The following MLLT3 variants were observed in gnomAD, a reference collection of about 807,000 sequenced individuals.
MLLT3 encodes the protein MLLT3 super elongation complex subunit, also known as protein AF-9.
Under a neutral mutation model 53.2 loss-of-function variants are expected in MLLT3, and 4 were observed. That is an observed-to-expected ratio of 0.08 (90% CI 0.04 to 0.17). MLLT3 has a LOEUF of 0.17. Ranked by LOEUF, MLLT3 falls within the 10% of genes least tolerant of loss-of-function variation. The pLI, the probability that MLLT3 is intolerant of heterozygous loss-of-function variation, is 1.00. For missense variants in MLLT3, 569 were observed against 684.0 expected (o/e 0.83, Z 1.87); for synonymous variants, 283 against 230.6 (o/e 1.23, Z -2.06).
intron 3 of MLLT3, among the ~76,000 whole-genome samples, chr9:20,455,019 T>G (rs900584793): frequency 2.6e-5 from 4 of 152,062 alleles, no homozygotes; most frequent in African/African-American, 4.8e-5. Context: ...GTAACAAGTA[T>G]TGGAGAAATT....
intron 5 of MLLT3, among the ~76,000 whole-genome samples, chr9:20,379,365 A>G (rs1821852886): frequency 6.6e-6 from 1 of 152,048 alleles, no homozygotes; most frequent in African/African-American, 2.4e-5. Context: ...CCACAAAACT[A>G]AAGAACACAG....
intron 2 of MLLT3, among the ~76,000 whole-genome samples, chr9:20,542,875 A>G (rs1014761242): frequency 2.6e-5 from 4 of 152,188 alleles, no homozygotes; most frequent in Non-Finnish European, 5.9e-5. Flanking sequence ...ACCTTTCTCA[A>G]TGATCTTAGC....
intron 8 of MLLT3, among the ~76,000 whole-genome samples, chr9:20,358,961 A>T (rs1821245884): frequency 6.6e-6 from 1 of 152,092 alleles, no homozygotes; most frequent in South Asian, 2.1e-4. Flanking sequence ...CCTGGCCAAC[A>T]TGGTGAAACC....
At chr9:20,606,538 T>C (rs933766321) in intron 2 of MLLT3, among the ~76,000 whole-genome samples, 26 of 152,150 alleles carry the variant, frequency 1.7e-4, no homozygotes, top group Non-Finnish European at 3.4e-4. Flanking sequence ...GAAAAGCTGC[T>C]TGTGCTCTGT....
intron 4 of MLLT3, among the ~76,000 whole-genome samples, chr9:20,436,428 A>G (rs1299737513): frequency 6.6e-6 from 1 of 152,198 alleles, no homozygotes; most frequent in East Asian, 1.9e-4. Flanking sequence ...ACAAAGCAAT[A>G]AACAAAAATA....
intron 5 of MLLT3, among the ~76,000 whole-genome samples, chr9:20,372,467 G>A (rs957651652): frequency 6.6e-6 from 1 of 151,722 alleles, no homozygotes; most frequent in African/African-American, 2.4e-5. Flanking sequence ...GCACCATCTC[G>A]GCTCACTGCA....
At chr9:20,479,400 C>A (rs1398011245) in intron 2 of MLLT3, among the ~76,000 whole-genome samples, 1 of 151,946 alleles carries the variant, frequency 6.6e-6, no homozygotes, top group Non-Finnish European at 1.5e-5. Flanking sequence ...TAGAGCAACC[C>A]TTTTTTTTCT....
chr9:20,392,604 T>A (rs1015397757), intron 5 of MLLT3, among the ~76,000 whole-genome samples: 1 of 152,218 alleles, frequency 6.6e-6, no homozygotes, highest in Non-Finnish European at 1.5e-5. Context: ...ACCCTAGCAT[T>A]TCTACTCGAT....
chr9:20,558,715 C>T (rs1284874424), intron 2 of MLLT3, among the ~76,000 whole-genome samples: 1 of 152,310 alleles, frequency 6.6e-6, no homozygotes, highest in East Asian at 1.9e-4. Flanking sequence ...CTTAAGTACA[C>T]TGTAGTTTTA....
intron 10 of MLLT3, among the ~76,000 whole-genome samples, chr9:20,350,149 G>A (rs2118593863): frequency 6.6e-6 from 1 of 152,306 alleles, no homozygotes; most frequent in Non-Finnish European, 1.5e-5. Context: ...CACACCCCAT[G>A]AGTGCCTGAA....
intron 10 of MLLT3, among the ~76,000 whole-genome samples, chr9:20,349,070 C>A (rs1820946664): frequency 6.6e-6 from 1 of 152,124 alleles, no homozygotes; most frequent in Non-Finnish European, 1.5e-5. Context: ...AGGCAAATAA[C>A]AAGCTGACCA....
chr9:20,548,858 T>G (rs750684507), intron 2 of MLLT3, among the ~76,000 whole-genome samples: 1 of 151,894 alleles, frequency 6.6e-6, no homozygotes, highest in Non-Finnish European at 1.5e-5. Context: ...TCTCACTGTG[T>G]CAGCCAGGCT....
intron 2 of MLLT3, among the ~76,000 whole-genome samples, chr9:20,541,334 G>C (rs945392971): frequency 2.6e-5 from 4 of 152,132 alleles, no homozygotes; most frequent in Admixed American, 2.6e-4. Flanking sequence ...CTTTACAGCA[G>C]TGCCACACTA....
intron 4 of MLLT3, among the ~76,000 whole-genome samples, chr9:20,432,691 C>T (rs1187283938): frequency 2.0e-5 from 3 of 151,872 alleles, no homozygotes; most frequent in Non-Finnish European, 2.9e-5. Flanking sequence ...ATAAGAACAA[C>T]AGTTTAAAAG....
intron 2 of MLLT3, among the ~76,000 whole-genome samples, chr9:20,514,835 A>C (rs1449684959): frequency 6.6e-6 from 1 of 152,158 alleles, no homozygotes; most frequent in Admixed American, 6.5e-5. Flanking sequence ...AGCATCTTCC[A>C]AGAAACCAGT....
At position 20,501,326 on chromosome 9, in the gene MLLT3, G is replaced by A. The variant is rs74880188; in HGVS notation, c.194-44540C>T. Among the ~76,000 whole-genome samples, 628 of 152,260 alleles carry A rather than the reference G, an allele frequency of 4.1e-3. 2 individuals are homozygous for A. Among genetic ancestry groups the A allele is most frequent in the African/African-American group, 0.014 (576 of 41,542 alleles). ...GGCCTTCTGCTATGTGTGAGGTGAC[G>A]AAGGCAAATAAGACAGTTTCCTTCC... On this transcript the variant is annotated intron_variant, in intron 2 of 10. Coordinates refer to ENST00000380338, the MANE Select transcript of MLLT3 (RefSeq NM_004529.4).
intron 8 of MLLT3, among the ~76,000 whole-genome samples, 170 bp downstream of exon 8, chr9:20,360,572 C>T (rs997124144): frequency 6.6e-6 from 1 of 152,258 alleles, no homozygotes. Context: ...ACAGCAGAAC[C>T]TCTTATACCC....
chr9:20,502,768 T>C (rs892986274), intron 2 of MLLT3, among the ~76,000 whole-genome samples: 30 of 152,172 alleles, frequency 2.0e-4, no homozygotes, highest in African/African-American at 7.0e-4. Context: ...CCCCTGCAGA[T>C]ACTGAGGAAT....
At chr9:20,465,363 C>T (rs1027754201) in intron 2 of MLLT3, among the ~76,000 whole-genome samples, 6 of 152,016 alleles carry the variant, frequency 3.9e-5, no homozygotes, top group African/African-American at 1.4e-4. Flanking sequence ...TTAATAAATG[C>T]ACTGTATGAG....
Sources: gnomAD v4.1 joint callset for allele counts (sites outside exome capture counted in the v4.1 genomes callset) on GRCh38, gnomAD v4.1.1 for gene constraint, MANE v1.5 for transcripts, NCBI Gene and HGNC (gene_info 2026-07-23, HGNC 2026-07-21) for gene names.